HOXB3: variants seen among roughly 807,000 people sequenced by gnomAD.
HOXB3 encodes the protein homeobox protein Hox-B3.
A neutral mutation model predicts 29.2 loss-of-function variants in HOXB3; 17 were observed. The ratio of observed to expected loss-of-function variants is 0.58; its 90% confidence interval spans 0.40 to 0.87. HOXB3 has a LOEUF of 0.87. Ranked by LOEUF, HOXB3 falls within the 40% of genes least tolerant of loss-of-function variation. HOXB3 has a pLI of 0.00. For synonymous variants in HOXB3, 317 were observed against 285.9 expected (o/e 1.11, Z -1.10); for missense variants, 637 against 616.3 (o/e 1.03, Z -0.35).
rs371373939 is a variant in HOXB3 at position 48,578,429 on chromosome 17, G to T, written c.-424-4415C>A. On this transcript the variant is annotated intron_variant, in intron 1 of 4. Transcript: ENST00000498678. ...TACTGTCAAGTGAACAAAGTTAGGCGCCCACGTGATCCTCCGAGCCAATGG... is the reference window on the plus strand; with the variant it reads ...TACTGTCAAGTGAACAAAGTTAGGCTCCCACGTGATCCTCCGAGCCAATGG... The T allele has an allele frequency of 4.3e-6, 6 of 1,397,512 alleles. No homozygotes were observed. In the East Asian group the frequency reaches 1.7e-4, roughly 40 times the overall value. 86.6% of individuals were successfully genotyped at this position (1,397,512 alleles called of 1,614,324 possible).
intron 2 of HOXB3, among the ~76,000 whole-genome samples, chr17:48,565,408 G>C (rs765560423): frequency 6.6e-6 from 1 of 152,204 alleles, no homozygotes; most frequent in Non-Finnish European, 1.5e-5. Context: ...AAGGCTGCTA[G>C]GGAGCAGGGA....
rs1237385589 is a variant in HOXB3, at chr17:48,552,451, G to C, written c.24C>G (p.Asp8Glu). The change falls in exon 4 of 5, where the codon GAC becomes GAG. Residue 8 changes from aspartate (D) to glutamate (E), a missense_variant. Asp to Glu is a conservative substitution (Grantham distance 45). Transcript: ENST00000498678. MQKATYY[D>E]NAAAALFGGY... Reference sequence around the variant, plus strand: ...CTCCGAAGAGAGCAGCCGCGGCGTTGTCGTAGTAGGTGGCTTTCTGCATCG... The same window carrying C: ...CTCCGAAGAGAGCAGCCGCGGCGTTCTCGTAGTAGGTGGCTTTCTGCATCG... 1 of 1,574,950 alleles carries C rather than the reference G, an allele frequency of 6.3e-7. No homozygotes were observed. Among genetic ancestry groups the C allele is most frequent in the African/African-American group, 1.3e-5 (1 of 74,174 alleles).
intron 2 of HOXB3, among the ~76,000 whole-genome samples, chr17:48,570,518 C>T (rs140907961): frequency 3.3e-5 from 5 of 152,236 alleles, no homozygotes; most frequent in South Asian, 2.1e-4. Flanking sequence ...CTTCAGGGTA[C>T]GGGAGCAGGG....
At position 48,550,618 on chromosome 17, in the gene HOXB3, C is replaced by G. The variant is rs369908227; in HGVS notation, c.1012G>C (p.Gly338Arg). 1.2e-5 allele frequency: 19 copies of G among 1,521,162 alleles called. No homozygotes were observed. Among genetic ancestry groups the G allele is most frequent in the Non-Finnish European group, 1.7e-5 (19 of 1,139,060 alleles). 94.2% of individuals were successfully genotyped at this position (1,521,162 alleles called of 1,614,324 possible). Residue 338 changes from glycine to arginine, a missense_variant, in exon 5 of 5, where the codon GGG becomes CGG. Physicochemically the swap from Gly to Arg is moderately radical, Grantham distance 125. Transcript: ENST00000498678. The part of the protein sequence containing the change: ...EYEPHVLQAN[G>R]GAYGTPTMQG... ...ATGGTGGGCGTCCCGTAGGCGCCCC[C>G]GTTGGCTTGGAGGACGTGCGGCTCA... is the stretch of plus-strand genomic sequence containing the variant.
Position 48,551,056 on chromosome 17 carries a change from G to C in HOXB3, c.574C>G (p.Arg192Gly). The change falls in exon 5 of 5, where the codon CGG becomes GGG. Residue 192 changes from arginine to glycine, a missense_variant. Physicochemically the swap from Arg to Gly is moderately radical, Grantham distance 125. Coordinates refer to ENST00000498678, the MANE Select transcript of HOXB3 (RefSeq NM_001384749.1). ...AGCTGCGCGCTCGTGTACGCCGTCCGCGCCCGCTTGGACGCCGCCGACCCC... is the reference window on the plus strand; with the variant it reads ...AGCTGCGCGCTCGTGTACGCCGTCCCCGCCCGCTTGGACGCCGCCGACCCC... Reference protein sequence around the residue: ...PPGSAASKRARTAYTSAQLVE... With the variant: ...PPGSAASKRAGTAYTSAQLVE... The C allele has an allele frequency of 6.3e-7, 1 of 1,582,216 alleles. No individual in the cohort carries two copies. Among genetic ancestry groups the C allele is most frequent in the East Asian group, 2.4e-5 (1 of 42,348 alleles).
chr17:48,552,353 G>C lies in HOXB3; in HGVS notation c.122C>G (p.Thr41Arg). The C allele has an allele frequency of 6.2e-7, 1 of 1,613,992 alleles. No individual in the cohort carries two copies. Among genetic ancestry groups the C allele is most frequent in the Non-Finnish European group, 8.5e-7 (1 of 1,179,922 alleles). Residue 41 changes from threonine to arginine, a missense_variant, in exon 4 of 5, where the codon ACG becomes AGG. By Grantham distance (71) the Thr-to-Arg change is moderately conservative. Transcript: ENST00000498678. ...GCGCTGGTAGTCGCCCTCCAGGTGC[G>C]TGGCGGCCTGAAATGGGGGTTGGGG... ...VPPQPPFQAA[T>R]HLEGDYQRSA...
At chr17:48,576,927 T>C in intron 1 of HOXB3, 1 of 1,614,028 alleles carries the variant, frequency 6.2e-7, no homozygotes, top group Non-Finnish European at 8.5e-7. Context: ...CAGGTAGCGG[T>C]TGTAGTGAAA....
intron 2 of HOXB3, among the ~76,000 whole-genome samples, chr17:48,563,288 G>C (rs1018151200): frequency 6.6e-6 from 1 of 152,178 alleles, no homozygotes; most frequent in East Asian, 1.9e-4. Flanking sequence ...GCACTACTTC[G>C]TGGACAGGAC....
At position 48,590,210 on chromosome 17, in the gene HOXB3, C is replaced by G. The variant is rs1477643215; in HGVS notation, c.-510G>C. On this transcript the variant is annotated 5_prime_UTR_variant, in exon 1 of 5. Transcript: ENST00000498678. ...GGAGAGTGCTCACCTACCTCTGCCC[C>G]CTTCCCCACCACAGCGAGCAGTTAA... 5 of 152,236 alleles carry G rather than the reference C, an allele frequency of 3.3e-5. No individual in the cohort carries two copies. Among genetic ancestry groups the G allele is most frequent in the Non-Finnish European group, 7.3e-5 (5 of 68,068 alleles). The allele number at this position is 152,236 out of a possible 1,614,324, so 9.4% of individuals were successfully genotyped here. A position where few individuals can be genotyped will look rare whatever the true frequency, so the allele number is the denominator to read the frequency against.
intron 3 of HOXB3, among the ~76,000 whole-genome samples, chr17:48,555,189 G>A (rs1312958928): frequency 6.6e-6 from 1 of 151,794 alleles, no homozygotes; most frequent in Non-Finnish European, 1.5e-5. Context: ...ATGGGAGAAA[G>A]AAAAATAACA....
chr17:48,578,385 T>C (rs2069841399), intron 1 of HOXB3: 1 of 1,547,678 alleles, frequency 6.5e-7, no homozygotes, highest in African/African-American at 1.4e-5. Context: ...GTTTTCCTGT[T>C]TCCGAAAGCC....
intron 2 of HOXB3, among the ~76,000 whole-genome samples, chr17:48,563,801 G>T (rs530159770): frequency 1.3e-5 from 2 of 152,164 alleles, no homozygotes; most frequent in Non-Finnish European, 2.9e-5. Flanking sequence ...CTAAAGGGTT[G>T]GGCAATGGTG....
At chr17:48,579,946 T>G (rs1243132238) in intron 1 of HOXB3, 1 of 514,008 alleles carries the variant, frequency 1.9e-6, no homozygotes, top group Non-Finnish European at 3.9e-6. Flanking sequence ...GACAGACAGA[T>G]CTTCTTGGCC....
At chr17:48,555,341 A>G (rs1269482623) in intron 3 of HOXB3, 190 bp downstream of exon 3, 11 of 438,126 alleles carry the variant, frequency 2.5e-5, no homozygotes, top group African/African-American at 9.1e-5. Context: ...AGAGGGAGAG[A>G]GAGAGAGAGA....
intron 2 of HOXB3, among the ~76,000 whole-genome samples, chr17:48,559,026 A>G (rs1308465344): frequency 6.6e-6 from 1 of 152,072 alleles, no homozygotes; most frequent in African/African-American, 2.4e-5. Flanking sequence ...GCATAAACTA[A>G]TGAAGTAAAA....
At chr17:48,568,899 A>C (rs2069482871) in intron 2 of HOXB3, among the ~76,000 whole-genome samples, 1 of 152,266 alleles carries the variant, frequency 6.6e-6, no homozygotes, top group Admixed American at 6.5e-5. Flanking sequence ...TACGACAATA[A>C]CATTAATAAC....
At chr17:48,555,746 G>A (rs985469696) in intron 2 of HOXB3, 128 bp from the exon 3 acceptor site, 4 of 640,682 alleles carry the variant, frequency 6.2e-6, no homozygotes, top group Non-Finnish European at 1.1e-5. Context: ...GCCGCGCGGC[G>A]TCCGCTTCAA....
At chr17:48,580,296 C>G (rs951544263) in intron 1 of HOXB3, 1 of 154,730 alleles carries the variant, frequency 6.5e-6, no homozygotes, top group African/African-American at 2.5e-5. Flanking sequence ...TGCCTTCGCG[C>G]CCCTCCCCTC....
At chr17:48,565,945 A>C (rs907213059) in intron 2 of HOXB3, among the ~76,000 whole-genome samples, 1 of 151,934 alleles carries the variant, frequency 6.6e-6, no homozygotes, top group African/African-American at 2.4e-5. Context: ...TCTCTTCCTC[A>C]TCTCACTCTT....
Sources: gnomAD v4.1 joint callset for allele counts (sites outside exome capture counted in the v4.1 genomes callset) on GRCh38, gnomAD v4.1.1 for gene constraint, MANE v1.5 for transcripts, NCBI Gene and HGNC (gene_info 2026-07-23, HGNC 2026-07-21) for gene names.